GAREM1: variants seen among roughly 807,000 people sequenced by gnomAD.
GAREM1 encodes the protein GRB2 associated regulator of MAPK1 subtype 1, also known as GRB2-associated and regulator of MAPK protein 1.
GAREM1 carries 26 observed loss-of-function variants against 71.3 expected under a neutral mutation model. The observed-to-expected ratio is 0.36, with a 90% CI of 0.27 to 0.51. The LOEUF (loss-of-function observed/expected upper bound fraction) is 0.51. GAREM1 is among the 20% of genes least tolerant of loss of function. The pLI is 0.95. For synonymous variants in GAREM1, 440 were observed against 433.2 expected (o/e 1.02, Z -0.20); for missense variants, 1,026 against 1,103.1 (o/e 0.93, Z 0.99).
intron 2 of GAREM1, among the ~76,000 whole-genome samples, chr18:32,317,992 T>C (rs983488282): frequency 9.9e-5 from 15 of 152,194 alleles, no homozygotes; most frequent in Non-Finnish European, 1.9e-4. Context: ...TGGAGATTGT[T>C]GAAACATCTG....
rs1225594651 is a variant in GAREM1, at chr18:32,460,385, C to T, written c.121+9923G>A. ...AATAACTTGGTATTTATTAAACAACCATAAGGTCATCAAAGCCCACGTGGT... is the reference window on the plus strand; with the variant it reads ...AATAACTTGGTATTTATTAAACAACTATAAGGTCATCAAAGCCCACGTGGT... On this transcript the variant is annotated intron_variant, in intron 1 of 5. Transcript: ENST00000269209. 2.0e-5 allele frequency among the ~76,000 whole-genome samples: 3 copies of T among 152,246 alleles called. No individual in the cohort carries two copies. The South Asian group carries it at 6.2e-4, about 32-fold the overall frequency.
intron 1 of GAREM1, among the ~76,000 whole-genome samples, chr18:32,407,370 T>G (rs777487550): frequency 6.6e-6 from 1 of 152,120 alleles, no homozygotes; most frequent in Non-Finnish European, 1.5e-5. Flanking sequence ...TGAGTGGAGG[T>G]TGCAGTGAGC....
chr18:32,340,146 T>A (rs368929740), intron 2 of GAREM1, among the ~76,000 whole-genome samples: 30 of 152,314 alleles, frequency 2.0e-4, no homozygotes, highest in African/African-American at 6.7e-4. Flanking sequence ...TACTCCCAGT[T>A]CTGTGGGATG....
chr18:32,274,930 T>C (rs905176359), intron 4 of GAREM1, among the ~76,000 whole-genome samples: 55 of 148,830 alleles, frequency 3.7e-4, no homozygotes, highest in African/African-American at 1.3e-3. Flanking sequence ...GAATGCCTGG[T>C]AGGTGTTAAG....
At chr18:32,406,933 T>C (rs759397438) in intron 1 of GAREM1, among the ~76,000 whole-genome samples, 7 of 152,136 alleles carry the variant, frequency 4.6e-5, no homozygotes, top group Admixed American at 4.6e-4. Context: ...CTGCAAAGCA[T>C]AGTATGGATT....
chr18:32,304,592 T>C (rs1327478485), intron 3 of GAREM1, among the ~76,000 whole-genome samples: 1 of 152,208 alleles, frequency 6.6e-6, no homozygotes, highest in Non-Finnish European at 1.5e-5. Flanking sequence ...CCAATAAAAC[T>C]TTATTTACAA....
chr18:32,293,729 G>T (rs1413908396), intron 3 of GAREM1, among the ~76,000 whole-genome samples: 1 of 152,142 alleles, frequency 6.6e-6, no homozygotes, highest in Non-Finnish European at 1.5e-5. Flanking sequence ...GAGGAAAAAA[G>T]TAACTATGTA....
In GAREM1 at chr18:32,310,187, T is replaced by TACTAA; in HGVS notation, c.393+5_393+6insTTAGT. ...TATAAATATTTGGTGCTTCAAGAGC[T>TACTAA]ACTACCTTCACGTTGAATGTGATAT... is the stretch of plus-strand genomic sequence containing the variant. On this transcript the variant is annotated splice_donor_region_variant and intron_variant, in intron 3 of 5. Transcript: ENST00000269209. 6.2e-7 allele frequency: 1 copy of TACTAA among 1,613,818 alleles called. No homozygotes were observed. The highest frequency in any genetic ancestry group is 8.5e-7 in the Non-Finnish European group (1 of 1,179,890).
At position 32,470,688 on chromosome 18, in the gene GAREM1, C is replaced by T. The variant is rs1026170681; in HGVS notation, c.-260G>A. Among the ~76,000 whole-genome samples the T allele has an allele frequency of 1.1e-4, 16 of 149,536 alleles. No individual in the cohort carries two copies. ...CCGGAGAAGACTCAGAGCAGCCGCG[C>T]GGCTGCGGGCGGCGGCGGCGGCCCG... On this transcript the variant is annotated 5_prime_UTR_variant, in exon 1 of 6. Transcript: ENST00000269209. This position sits in a 1 kb window ranked among gnomAD's most constrained non-coding sequence, Gnocchi z 4.4.
chr18:32,310,851 T>A (rs765217200), intron 2 of GAREM1, among the ~76,000 whole-genome samples: 1 of 152,140 alleles, frequency 6.6e-6, no homozygotes, highest in Non-Finnish European at 1.5e-5. Context: ...TAGAACAATA[T>A]GCAGGTAATG....
intron 1 of GAREM1, among the ~76,000 whole-genome samples, chr18:32,401,267 T>C (rs1309068459): frequency 2.6e-5 from 4 of 152,016 alleles, no homozygotes. Flanking sequence ...ATGGCACATG[T>C]ATACATATGT....
intron 1 of GAREM1, among the ~76,000 whole-genome samples, chr18:32,441,384 T>A (rs2144274536): frequency 6.6e-6 from 1 of 152,118 alleles, no homozygotes; most frequent in South Asian, 2.1e-4. Context: ...GAGGACTAAA[T>A]AATCCATCTA....
chr18:32,352,806 G>A (rs1361461163), intron 2 of GAREM1, among the ~76,000 whole-genome samples: 1 of 152,158 alleles, frequency 6.6e-6, no homozygotes, highest in Non-Finnish European at 1.5e-5. Context: ...TGGGGCTAGA[G>A]GGGAGAGAAT....
At chr18:32,393,141 C>T in intron 1 of GAREM1, 106 bp from the exon 2 acceptor site, 2 of 1,025,124 alleles carry the variant, frequency 2.0e-6, no homozygotes, top group Admixed American at 5.2e-5. Flanking sequence ...CAGAAGTTGA[C>T]AGTTCATCCC....
Position 32,378,487 on chromosome 18 carries a change from C to G in GAREM1, c.262+14408G>C, listed in dbSNP as rs1599003421. On this transcript the variant is annotated intron_variant, in intron 2 of 5. Transcript: ENST00000269209. The stretch of plus-strand genomic sequence containing the variant: ...TGCATTCCAGCCTGGGCAACAGAGT[C>G]AGACTGTCTCCGAAAAAAAAAAAAA... Among the ~76,000 whole-genome samples the G allele has an allele frequency of 2.8e-5, 4 of 143,770 alleles. No individual in the cohort carries two copies. The South Asian group carries it at 9.3e-4, about 34-fold the overall frequency. The allele number at this position is 143,770 out of a possible 152,430, so 94.3% of individuals were successfully genotyped here.
In GAREM1 at chr18:32,414,580, A is replaced by G. The variant is rs1016085841; in HGVS notation, c.122-21545T>C. Among the ~76,000 whole-genome samples the G allele has an allele frequency of 7.2e-5, 11 of 152,258 alleles. No individual in the cohort carries two copies. In the South Asian group the frequency reaches 2.3e-3, roughly 32 times the overall value. ...TAACAAGAAAAATTTTGGAAACCATATAAACACATGGAAATGAAACAACAT... is the reference window on the plus strand; with the variant it reads ...TAACAAGAAAAATTTTGGAAACCATGTAAACACATGGAAATGAAACAACAT... On this transcript the variant is annotated intron_variant, in intron 1 of 5. Coordinates refer to ENST00000269209, the MANE Select transcript of GAREM1 (RefSeq NM_001242409.2).
At chr18:32,455,008 A>T (rs2048873745) in intron 1 of GAREM1, among the ~76,000 whole-genome samples, 1 of 152,178 alleles carries the variant, frequency 6.6e-6, no homozygotes, top group African/African-American at 2.4e-5. Context: ...TAAAAAGGGA[A>T]GGAATAAAAC....
rs761084945 is a variant in GAREM1, at chr18:32,267,862, G to A, written c.*9C>T. 1 of 1,603,338 alleles carries A rather than the reference G, an allele frequency of 6.2e-7. No homozygotes were observed. The highest frequency in any genetic ancestry group is 1.1e-5 in the South Asian group (1 of 89,570). ...CAGTTTTGTTCCATGCTGGCCGGGG[G>A]TTATTTGGCTATATTTTGGGCCTCC... On this transcript the variant is annotated 3_prime_UTR_variant, in exon 6 of 6. Transcript: ENST00000269209.
At chr18:32,462,769 C>T (rs1355811721) in intron 1 of GAREM1, among the ~76,000 whole-genome samples, 3 of 151,998 alleles carry the variant, frequency 2.0e-5, no homozygotes, top group African/African-American at 7.3e-5. Context: ...GTCTTTAATC[C>T]ATTTTGAGTT....
Sources: allele counts gnomAD v4.1 joint callset (sites outside exome capture counted in the v4.1 genomes callset), GRCh38; gene constraint gnomAD v4.1.1; non-coding constraint Gnocchi (gnomAD v3.1); transcripts MANE v1.5; gene names NCBI Gene and HGNC (gene_info 2026-07-23, HGNC 2026-07-21).